Variants in RABGAP1L observed in about 807,000 individuals in gnomAD.
RABGAP1L encodes the protein rab GTPase-activating protein 1-like.
RABGAP1L carries 63 observed loss-of-function variants against 137.7 expected under a neutral mutation model. The observed-to-expected ratio is 0.46, with a 90% CI of 0.37 to 0.56. The LOEUF is 0.56. RABGAP1L is among the 20% of genes least tolerant of loss of function. RABGAP1L has a pLI of 0.00. For missense variants in RABGAP1L, 1,095 were observed against 1,244.0 expected (o/e 0.88, Z 1.80); for synonymous variants, 431 against 433.7 (o/e 0.99, Z 0.08).
At chr1:174,418,579 C>T (rs1249664371) in intron 13 of RABGAP1L, among the ~76,000 whole-genome samples, 2 of 152,136 alleles carry the variant, frequency 1.3e-5, no homozygotes, top group Non-Finnish European at 2.9e-5. Context: ...ACATGTCTTA[C>T]CTTAGTAATC....
chr1:174,909,329 T>C (rs1659672530), intron 19 of RABGAP1L, among the ~76,000 whole-genome samples: 1 of 152,134 alleles, frequency 6.6e-6, no homozygotes, highest in Non-Finnish European at 1.5e-5. Flanking sequence ...GCTCAAGTGA[T>C]CCTCCCACTT....
chr1:174,528,286 T>A (rs1664091722), intron 13 of RABGAP1L, among the ~76,000 whole-genome samples: 1 of 152,154 alleles, frequency 6.6e-6, no homozygotes, highest in Admixed American at 6.6e-5. Flanking sequence ...TTTCTCCTCC[T>A]CATTTGTGCT....
chr1:174,323,111 A>G (rs1680146789), intron 11 of RABGAP1L, among the ~76,000 whole-genome samples: 1 of 152,164 alleles, frequency 6.6e-6, no homozygotes, highest in Non-Finnish European at 1.5e-5. Context: ...AATTTAGTGA[A>G]AAACAGTTTT....
intron 17 of RABGAP1L, among the ~76,000 whole-genome samples, chr1:174,714,202 T>C (rs906877049): frequency 8.5e-5 from 13 of 152,214 alleles, no homozygotes. Flanking sequence ...TTTTTCCTCT[T>C]TGTGCTTGGA....
At chr1:174,596,427 C>G (rs1224750794) in intron 13 of RABGAP1L, among the ~76,000 whole-genome samples, 1 of 152,118 alleles carries the variant, frequency 6.6e-6, no homozygotes, top group Non-Finnish European at 1.5e-5. Context: ...TTGTACAGAT[C>G]TTTCACTTCT....
chr1:174,366,778 GAA>G (rs71117562), intron 11 of RABGAP1L, among the ~76,000 whole-genome samples: 3,927 of 93,576 alleles, frequency 0.042, 32 homozygotes, highest in East Asian at 0.1. Flanking sequence ...CCGTCTCCAG[GAA>G]AAAAAAAAAA....
intron 19 of RABGAP1L, among the ~76,000 whole-genome samples, chr1:174,918,981 C>T (rs1321483737): frequency 6.6e-6 from 1 of 151,700 alleles, no homozygotes; most frequent in East Asian, 1.9e-4. Flanking sequence ...CGTGCCACTG[C>T]ATCTGCCTAA....
At chr1:174,231,798 A>G (rs758475524) in intron 4 of RABGAP1L, among the ~76,000 whole-genome samples, 1 of 152,126 alleles carries the variant, frequency 6.6e-6, no homozygotes, top group Non-Finnish European at 1.5e-5. Flanking sequence ...TTAAACAACC[A>G]GGTTTCATGA....
chr1:174,256,578 C>T (rs931095396), intron 7 of RABGAP1L, among the ~76,000 whole-genome samples: 10 of 152,054 alleles, frequency 6.6e-5, no homozygotes, highest in South Asian at 4.2e-4. Context: ...GTCAAGAGAT[C>T]GAGACCATCC....
intron 19 of RABGAP1L, among the ~76,000 whole-genome samples, chr1:174,838,795 T>C (rs1336580592): frequency 3.3e-5 from 5 of 151,330 alleles, no homozygotes; most frequent in African/African-American, 4.8e-5. Flanking sequence ...CGGGCGCCTG[T>C]AGTCCCAGCT....
intron 1 of RABGAP1L, among the ~76,000 whole-genome samples, chr1:174,162,362 T>C (rs988347329): frequency 2.0e-5 from 3 of 152,226 alleles, no homozygotes; most frequent in African/African-American, 7.2e-5. Context: ...AAGCAGAAAG[T>C]CCTTTTATCC....
At chr1:174,683,487 T>C (rs1183938056) in intron 14 of RABGAP1L, 35 bp from the exon 15 acceptor site, 3 of 1,509,312 alleles carry the variant, frequency 2.0e-6, no homozygotes, top group South Asian at 1.1e-5. Context: ...TCTGTGACTA[T>C]TTACGATATT....
intron 17 of RABGAP1L, among the ~76,000 whole-genome samples, chr1:174,744,075 G>C (rs1163729450): frequency 8.4e-6 from 1 of 118,884 alleles, no homozygotes; most frequent in Non-Finnish European, 1.6e-5. Context: ...CTACTATGTT[G>C]GTCTGTGAAA....
At chr1:174,492,732 C>T (rs939268581) in intron 13 of RABGAP1L, among the ~76,000 whole-genome samples, 2 of 152,092 alleles carry the variant, frequency 1.3e-5, no homozygotes, top group Admixed American at 1.3e-4. Context: ...TCCTCTCTTA[C>T]ACAAATAATA....
At chr1:174,949,433 G>A (rs572711764) in intron 19 of RABGAP1L, among the ~76,000 whole-genome samples, 7 of 152,292 alleles carry the variant, frequency 4.6e-5, no homozygotes, top group Admixed American at 2.0e-4. Flanking sequence ...TTTTTGAGGC[G>A]TACAGTATAG....
chr1:174,371,825 A>G (rs1433384995), intron 12 of RABGAP1L, among the ~76,000 whole-genome samples: 2 of 152,232 alleles, frequency 1.3e-5, no homozygotes, highest in Non-Finnish European at 2.9e-5. Flanking sequence ...AGAAGAAAGA[A>G]TAATTTAAAC....
intron 11 of RABGAP1L, among the ~76,000 whole-genome samples, chr1:174,327,982 CACACATATATATATATAT>C (rs1298906353): frequency 2.0e-4 from 5 of 24,750 alleles, no homozygotes; most frequent in African/African-American, 6.0e-4. Context: ...TATATATACA[CACACATATATATATATAT>C]ATATATATAT....
At chr1:174,515,944 G>A (rs971074890) in intron 13 of RABGAP1L, among the ~76,000 whole-genome samples, 2 of 151,958 alleles carry the variant, frequency 1.3e-5, no homozygotes, top group Non-Finnish European at 2.9e-5. Flanking sequence ...CTTAGGTACC[G>A]GCTAATTATT....
chr1:174,463,442 C>T (rs1464449510), intron 13 of RABGAP1L, among the ~76,000 whole-genome samples: 2 of 147,634 alleles, frequency 1.4e-5, no homozygotes, highest in Non-Finnish European at 3.0e-5. Flanking sequence ...TGTTCTCACT[C>T]ATAGGTGGGA....
Sources: gnomAD v4.1 joint callset for allele counts (sites outside exome capture counted in the v4.1 genomes callset) on GRCh38, gnomAD v4.1.1 for gene constraint, MANE v1.5 for transcripts, NCBI Gene and HGNC (gene_info 2026-07-23, HGNC 2026-07-21) for gene names.